Variants in NAA35 observed in about 807,000 individuals in gnomAD.
NAA35 encodes MAK10 homolog, amino-acid N-acetyltransferase subunit.
Under a neutral mutation model 101.7 loss-of-function variants are expected in NAA35, and 18 were observed. The ratio of observed to expected loss-of-function variants is 0.18; its 90% CI spans 0.12 to 0.26. The LOEUF is 0.26. NAA35 is among the 10% of genes least tolerant of loss of function. NAA35 has a pLI of 1.00. For missense variants in NAA35, 601 were observed against 886.8 expected (o/e 0.68, Z 4.09); for synonymous variants, 267 against 273.1 (o/e 0.98, Z 0.22).
intron 12 of NAA35, among the ~76,000 whole-genome samples, chr9:85,998,625 C>CT (rs573218616): frequency 1.3e-4 from 20 of 151,908 alleles, no homozygotes; most frequent in East Asian, 5.8e-4. Flanking sequence ...AGAGATGGAG[C>CT]TTTTTTTTGT....
intron 11 of NAA35, among the ~76,000 whole-genome samples, chr9:85,980,837 G>A (rs1027346345): frequency 1.3e-4 from 19 of 151,830 alleles, no homozygotes; most frequent in African/African-American, 2.9e-4. Flanking sequence ...TCCTTTTTTC[G>A]CCCCTCAACG....
intron 15 of NAA35, among the ~76,000 whole-genome samples, chr9:86,012,421 T>C (rs1311779930): frequency 6.6e-6 from 1 of 152,172 alleles, no homozygotes; most frequent in East Asian, 1.9e-4. Context: ...CTTTCCACTC[T>C]CTAAAGAGTA....
In NAA35 at chr9:85,996,917, T is replaced by A. The variant is rs12349583; in HGVS notation, c.1056+340T>A. ...TCTAGGCAGGAGTACAGTGGTGTGATCTTGGCTCAAAGTGAACTTAAACTC... is the reference window on the plus strand; with the variant it reads ...TCTAGGCAGGAGTACAGTGGTGTGAACTTGGCTCAAAGTGAACTTAAACTC... On this transcript the variant is annotated intron_variant, in intron 12 of 22. Coordinates refer to ENST00000361671, the MANE Select transcript of NAA35 (RefSeq NM_024635.4). Among the ~76,000 whole-genome samples, 604 of 152,248 alleles carry A rather than the reference T, an allele frequency of 4.0e-3. 5 individuals are homozygous for A. Among genetic ancestry groups the A allele is most frequent in the African/African-American group, 0.014 (571 of 41,552 alleles).
Position 86,020,966 on chromosome 9 carries a change from T to C in NAA35, c.2115T>C (p.Ser705=). 1 of 1,608,784 alleles carries C rather than the reference T, an allele frequency of 6.2e-7. No homozygotes were observed. Among genetic ancestry groups the C allele is most frequent in the Non-Finnish European group, 8.5e-7 (1 of 1,176,966 alleles). ...TGGCAGGAGGACACAAAAAGGAATCTAAAGTGAGTACATTGTGGGAAAAAT... is the reference window on the plus strand; with the variant it reads ...TGGCAGGAGGACACAAAAAGGAATCCAAAGTGAGTACATTGTGGGAAAAAT... ...KLLAGGHKKE[S]KVPPEFDFSA... The change falls in exon 22 of 23, where the codon TCT becomes TCC. Residue 705 remains serine (S), a synonymous_variant. Transcript: ENST00000361671.
intron 3 of NAA35, among the ~76,000 whole-genome samples, chr9:85,957,475 G>A (rs1162802769): frequency 6.6e-6 from 1 of 152,114 alleles, no homozygotes; most frequent in Non-Finnish European, 1.5e-5. Flanking sequence ...TCCTGGGAGA[G>A]CAAGAACTCA....
At chr9:85,969,478 T>C (rs1257186843) in intron 6 of NAA35, among the ~76,000 whole-genome samples, 3 of 152,204 alleles carry the variant, frequency 2.0e-5, no homozygotes, top group Non-Finnish European at 4.4e-5. Flanking sequence ...AAGATACTAC[T>C]CTAGCAATTC....
chr9:86,010,598 G>A (rs904669168), intron 15 of NAA35, among the ~76,000 whole-genome samples: 3 of 138,726 alleles, frequency 2.2e-5, no homozygotes, highest in East Asian at 2.1e-4. Flanking sequence ...TTTTTAAGAC[G>A]GTGTCTCGCT....
intron 17 of NAA35, chr9:86,015,743 G>T: frequency 1.1e-6 from 1 of 951,448 alleles, no homozygotes; most frequent in East Asian, 1.2e-4. Context: ...AGAAGAAAAG[G>T]CTGCATCTTA....
At chr9:85,964,463 C>T (rs1174831745) in intron 6 of NAA35, among the ~76,000 whole-genome samples, 2 of 152,016 alleles carry the variant, frequency 1.3e-5, no homozygotes, top group South Asian at 2.1e-4. Context: ...TAACAATGCA[C>T]TATTCAGATT....
chr9:85,990,088 T>G (rs541818100), intron 11 of NAA35, among the ~76,000 whole-genome samples: 1 of 152,330 alleles, frequency 6.6e-6, no homozygotes, highest in East Asian at 1.9e-4. Context: ...ATTTCAAGAT[T>G]CATGGTGCAT....
At chr9:85,993,747 G>C (rs144475373) in intron 11 of NAA35, among the ~76,000 whole-genome samples, 1 of 148,994 alleles carries the variant, frequency 6.7e-6, no homozygotes, top group Non-Finnish European at 1.5e-5. Context: ...GAGATAAACC[G>C]GGGATCACAA....
intron 15 of NAA35, among the ~76,000 whole-genome samples, chr9:86,011,879 A>AAATATATATTATATGATATATATT (rs1831936236): frequency 7.1e-6 from 1 of 141,698 alleles, no homozygotes; most frequent in Admixed American, 7.4e-5. Context: ...TTAAATATAT[A>AAATATATATTATATGATATATATT]AATATATATT....
chr9:85,991,520 GA>G (rs1289834994), intron 11 of NAA35, among the ~76,000 whole-genome samples: 3 of 152,178 alleles, frequency 2.0e-5, no homozygotes, highest in Admixed American at 2.0e-4. Flanking sequence ...AGCAGGAAGA[GA>G]AAAGTAGAAA....
chr9:86,018,857 C>G, intron 21 of NAA35, 36 bp downstream of exon 21: 1 of 1,603,898 alleles, frequency 6.2e-7, no homozygotes, highest in Non-Finnish European at 8.5e-7. Context: ...AGGGGAAAAG[C>G]GTGGCAGGAA....
intron 1 of NAA35, chr9:85,941,515 A>G (rs1374120954): frequency 2.0e-6 from 2 of 985,370 alleles, no homozygotes; most frequent in Non-Finnish European, 2.4e-6. Context: ...CCGCGCGGCG[A>G]CAGCTCTGTC....
At chr9:85,949,071 A>G (rs933170519) in intron 2 of NAA35, among the ~76,000 whole-genome samples, 3 of 151,762 alleles carry the variant, frequency 2.0e-5, no homozygotes, top group African/African-American at 4.8e-5. Flanking sequence ...TACCTTTCAT[A>G]TGTAACTTTT....
intron 3 of NAA35, among the ~76,000 whole-genome samples, chr9:85,958,090 C>T (rs1829353663): frequency 6.6e-6 from 1 of 151,912 alleles, no homozygotes; most frequent in South Asian, 2.1e-4. Context: ...TACAGACATG[C>T]ACCACCACAC....
chr9:85,949,867 G>C (rs967473443), intron 2 of NAA35, among the ~76,000 whole-genome samples: 1 of 151,756 alleles, frequency 6.6e-6, no homozygotes, highest in Non-Finnish European at 1.5e-5. Context: ...GTGTCGTCTA[G>C]AATTGCTGGG....
intron 17 of NAA35, 93 bp downstream of exon 17, chr9:86,013,990 A>G: frequency 4.7e-6 from 5 of 1,055,102 alleles, no homozygotes; most frequent in African/African-American, 3.2e-5. Flanking sequence ...TTCATTTAGT[A>G]TATTTTATCT....
Sources: allele counts gnomAD v4.1 joint callset (sites outside exome capture counted in the v4.1 genomes callset), GRCh38; gene constraint gnomAD v4.1.1; transcripts MANE v1.5; gene names NCBI Gene and HGNC (gene_info 2026-07-23, HGNC 2026-07-21).